Variants in NDUFAF2 observed in about 807,000 individuals in gnomAD.
NDUFAF2 encodes the protein NADH dehydrogenase [ubiquinone] 1 alpha subcomplex assembly factor 2.
A neutral mutation model predicts 22.8 loss-of-function variants in NDUFAF2; 13 were observed. The observed-to-expected ratio is 0.57, with a 90% CI of 0.37 to 0.91. The LOEUF (loss-of-function observed/expected upper bound fraction) is 0.91. Among genes scored for constraint, NDUFAF2 ranks in the 40% least tolerant of loss-of-function variants. The pLI, the probability that NDUFAF2 is intolerant of heterozygous loss-of-function variation, is 0.01. For synonymous variants in NDUFAF2, 53 were observed against 64.2 expected, an observed-to-expected ratio of 0.83 and a Z score of 0.84; for missense variants, 162 against 195.2, an observed-to-expected ratio of 0.83 and a Z score of 1.01.
At chr5:61,008,394 T>G (rs1229605229) in intron 1 of NDUFAF2, among the ~76,000 whole-genome samples, 6 of 152,114 alleles carry the variant, frequency 3.9e-5, no homozygotes, top group African/African-American at 9.7e-5. Context: ...AACAAGCAAG[T>G]GTATACAGAT....
At chr5:61,079,896 G>A (rs893777813) in intron 2 of NDUFAF2, among the ~76,000 whole-genome samples, 2 of 152,146 alleles carry the variant, frequency 1.3e-5, no homozygotes, top group Non-Finnish European at 2.9e-5. Flanking sequence ...GGGCACAACC[G>A]AAACTCAAAG....
chr5:61,084,241 A>G (rs1026895446), intron 2 of NDUFAF2, among the ~76,000 whole-genome samples: 6 of 150,138 alleles, frequency 4.0e-5, no homozygotes, highest in African/African-American at 1.5e-4. Context: ...ATTTTTTTTC[A>G]TTCTGTTAAT....
chr5:61,085,002 G>T (rs1324268363), intron 2 of NDUFAF2, among the ~76,000 whole-genome samples: 2 of 152,060 alleles, frequency 1.3e-5, no homozygotes, highest in African/African-American at 4.8e-5. Context: ...ACCAGGATGG[G>T]CCACATATTC....
chr5:61,045,108 A>T (rs10042260), intron 1 of NDUFAF2, among the ~76,000 whole-genome samples: 5 of 139,388 alleles, frequency 3.6e-5, no homozygotes, highest in South Asian at 2.2e-4. Context: ...TTTTATTAAA[A>T]TTTAATAAAA....
intron 2 of NDUFAF2, among the ~76,000 whole-genome samples, chr5:61,081,867 G>T (rs1752447309): frequency 6.6e-6 from 1 of 152,202 alleles, no homozygotes; most frequent in Non-Finnish European, 1.5e-5. Flanking sequence ...AAGCAATCTG[G>T]CAAGGAACTA....
At chr5:61,062,650 T>C (rs911287618) in intron 1 of NDUFAF2, among the ~76,000 whole-genome samples, 2 of 152,124 alleles carry the variant, frequency 1.3e-5, no homozygotes, top group Non-Finnish European at 2.9e-5. Context: ...AATGAAGTAA[T>C]TGCTGAAAAT....
intron 1 of NDUFAF2, among the ~76,000 whole-genome samples, chr5:61,024,296 A>AT (rs1323685788): frequency 1.3e-5 from 2 of 151,984 alleles, no homozygotes; most frequent in African/African-American, 4.8e-5. Flanking sequence ...TTTTTCAAAC[A>AT]TTTTTTGTTT....
rs555305827 is a variant in NDUFAF2, at chr5:61,015,353, C to T, written c.128-57772C>T. Among the ~76,000 whole-genome samples the T allele has an allele frequency of 3.9e-5, 6 of 152,292 alleles. No individual in the cohort carries two copies. The South Asian group carries it at 1.2e-3, about 32-fold the overall frequency. On this transcript the variant is annotated intron_variant, in intron 1 of 3. Transcript: ENST00000296597. ...CTGAAGTGCAGTGGCATGATCTTGG[C>T]TCACTGCAACCTCTGCCTCCTGGGT...
intron 1 of NDUFAF2, among the ~76,000 whole-genome samples, chr5:61,031,660 A>C (rs922060557): frequency 6.6e-6 from 1 of 152,058 alleles, no homozygotes; most frequent in Non-Finnish European, 1.5e-5. Context: ...AGTCTTTGCT[A>C]TTGTGAATAG....
chr5:60,968,087 A>G (rs892082726), intron 1 of NDUFAF2, among the ~76,000 whole-genome samples: 1 of 151,746 alleles, frequency 6.6e-6, no homozygotes, highest in African/African-American at 2.4e-5. Flanking sequence ...GTTTCTAGAA[A>G]TTTATATATT....
intron 1 of NDUFAF2, among the ~76,000 whole-genome samples, chr5:60,982,110 G>T (rs1282052873): frequency 6.6e-6 from 1 of 152,124 alleles, no homozygotes; most frequent in Non-Finnish European, 1.5e-5. Context: ...ATGTTGAAAA[G>T]CTTGTGTGTG....
chr5:61,092,946 G>A (rs182339949), intron 2 of NDUFAF2, among the ~76,000 whole-genome samples: 35 of 152,340 alleles, frequency 2.3e-4, no homozygotes, highest in African/African-American at 7.7e-4. Flanking sequence ...AAGGAAGCAA[G>A]TCTGAGTCCC....
intron 3 of NDUFAF2, among the ~76,000 whole-genome samples, chr5:61,132,544 C>T (rs542881560): frequency 6.6e-6 from 1 of 152,282 alleles, no homozygotes; most frequent in South Asian, 2.1e-4. Flanking sequence ...CACTGATACC[C>T]ACTTGTACTT....
At chr5:61,012,060 A>G (rs1751449161) in intron 1 of NDUFAF2, among the ~76,000 whole-genome samples, 1 of 151,820 alleles carries the variant, frequency 6.6e-6, no homozygotes, top group Non-Finnish European at 1.5e-5. Flanking sequence ...TGATAATGCT[A>G]TTTCTTCCTT....
intron 1 of NDUFAF2, among the ~76,000 whole-genome samples, chr5:60,957,459 A>G (rs1231675629): frequency 6.6e-6 from 1 of 151,758 alleles, no homozygotes; most frequent in Non-Finnish European, 1.5e-5. Context: ...TGGTTATCGT[A>G]TAATGTTATA....
At chr5:61,058,138 A>G (rs1054223884) in intron 1 of NDUFAF2, among the ~76,000 whole-genome samples, 13 of 152,270 alleles carry the variant, frequency 8.5e-5, no homozygotes, top group Admixed American at 8.5e-4. Context: ...TTGGGTCTAG[A>G]AGTCAATCAC....
chr5:61,032,860 G>T (rs774304167), intron 1 of NDUFAF2, among the ~76,000 whole-genome samples: 32 of 152,180 alleles, frequency 2.1e-4, no homozygotes, highest in Non-Finnish European at 4.3e-4. Flanking sequence ...GGTATTTCTG[G>T]TTCTAGATCC....
intron 1 of NDUFAF2, among the ~76,000 whole-genome samples, chr5:61,060,992 T>C (rs1036663728): frequency 6.6e-6 from 1 of 152,156 alleles, no homozygotes; most frequent in Non-Finnish European, 1.5e-5. Flanking sequence ...AAAGGAGAGA[T>C]GCCTGAGTCT....
At chr5:61,064,112 A>G (rs1752200554) in intron 1 of NDUFAF2, among the ~76,000 whole-genome samples, 1 of 152,132 alleles carries the variant, frequency 6.6e-6, no homozygotes, top group East Asian at 1.9e-4. Context: ...ATATGATAAA[A>G]TAGACTTCAA....
Sources: gnomAD v4.1 joint callset for allele counts (sites outside exome capture counted in the v4.1 genomes callset) on GRCh38, gnomAD v4.1.1 for gene constraint, MANE v1.5 for transcripts, NCBI Gene and HGNC (gene_info 2026-07-23, HGNC 2026-07-21) for gene names.